PAPPA: variants seen among roughly 807,000 people sequenced by gnomAD.
PAPPA encodes pappalysin-1.
PAPPA carries 60 observed loss-of-function variants against 164.0 expected under a neutral mutation model. The ratio of observed to expected loss-of-function variants is 0.37; its 90% CI spans 0.30 to 0.45. PAPPA has a LOEUF of 0.45. Among genes scored for constraint, PAPPA ranks in the 20% least tolerant of loss-of-function variants. The pLI, the probability that PAPPA is intolerant of heterozygous loss-of-function variation, is 1.00. For missense variants in PAPPA, 1,782 were observed against 2,087.3 expected (o/e 0.85, Z 2.85); for synonymous variants, 875 against 814.1 (o/e 1.07, Z -1.27).
intron 7 of PAPPA, among the ~76,000 whole-genome samples, chr9:116,242,319 T>C (rs1404286082): frequency 1.3e-5 from 2 of 152,084 alleles, no homozygotes; most frequent in African/African-American, 4.8e-5. Flanking sequence ...ACAGTTCAAA[T>C]GGTTGAAACT....
At chr9:116,353,573 C>T in intron 16 of PAPPA, 49 bp from the exon 17 acceptor site, 1 of 1,547,220 alleles carries the variant, frequency 6.5e-7, no homozygotes, top group Non-Finnish European at 8.9e-7. Flanking sequence ...GGGCATGGAT[C>T]TAGCCATTTG....
chr9:116,185,957 T>C (rs1843964726), intron 1 of PAPPA, among the ~76,000 whole-genome samples: 1 of 152,140 alleles, frequency 6.6e-6, no homozygotes, highest in South Asian at 2.1e-4. Context: ...AAGGATCTGA[T>C]GGATCTAGGA....
chr9:116,221,005 A>G (rs1844439194), intron 5 of PAPPA, among the ~76,000 whole-genome samples: 1 of 151,444 alleles, frequency 6.6e-6, no homozygotes, highest in East Asian at 1.9e-4. Flanking sequence ...CCAGGGAATG[A>G]TAAACTGAGG....
rs567055779 is a variant in PAPPA, at chr9:116,242,252, G to C, written c.2732+6615G>C. Among the ~76,000 whole-genome samples, 10 of 152,254 alleles carry C rather than the reference G, an allele frequency of 6.6e-5. No homozygotes were observed. In the South Asian group the frequency reaches 8.3e-4, roughly 13 times the overall value. ...GTAAGGAGGGCTTCTTGGAAGAAGT[G>C]ACATGTAAGCTGAGACTTGAAGGAT... On this transcript the variant is annotated intron_variant, in intron 7 of 21. Transcript: ENST00000328252.
chr9:116,261,849 G>A (rs751980265), intron 7 of PAPPA, among the ~76,000 whole-genome samples: 2 of 151,864 alleles, frequency 1.3e-5, no homozygotes, highest in Middle Eastern at 3.4e-3. Context: ...TGCCATTTGC[G>A]ATATGTGTTA....
At chr9:116,350,567 T>C (rs556056949) in intron 15 of PAPPA, among the ~76,000 whole-genome samples, 3 of 152,328 alleles carry the variant, frequency 2.0e-5, no homozygotes, top group African/African-American at 7.2e-5. Context: ...AAACCACGAC[T>C]TTCACTTCAT....
chr9:116,154,443 A>T lies in PAPPA; in HGVS notation c.271A>T (p.Ser91Cys). 5 of 1,275,356 alleles carry T rather than the reference A, an allele frequency of 3.9e-6. No individual in the cohort carries two copies. The highest frequency in any genetic ancestry group is 4.9e-6 in the Non-Finnish European group (5 of 1,011,098). 79.0% of individuals were successfully genotyped at this position (1,275,356 alleles called of 1,614,324 possible). ...REARGATEEP[S>C]PPSRALYFSG... The stretch of plus-strand genomic sequence containing the variant: ...GGCGAGGGGCGCCACCGAGGAGCCG[A>T]GCCCGCCGAGCCGGGCGCTCTATTT... Residue 91 changes from serine to cysteine, a missense_variant, in exon 1 of 22, where the codon AGC (serine) becomes TGC (cysteine). By Grantham distance (112) the Ser-to-Cys change is moderately radical (BLOSUM62 -1). Transcript: ENST00000328252. This position sits in a 1 kb window ranked among gnomAD's most constrained non-coding sequence, Gnocchi z 5.2.
chr9:116,176,176 T>C (rs1843832667), intron 1 of PAPPA, among the ~76,000 whole-genome samples: 1 of 152,212 alleles, frequency 6.6e-6, no homozygotes, highest in South Asian at 2.1e-4. Context: ...TTTCTACCTG[T>C]AGGAAACAGT....
intron 9 of PAPPA, among the ~76,000 whole-genome samples, chr9:116,293,063 G>A (rs917841175): frequency 5.3e-5 from 8 of 152,190 alleles, no homozygotes; most frequent in Non-Finnish European, 7.3e-5. Context: ...GGTTGATGAC[G>A]ACGTTAATGA....
intron 1 of PAPPA, among the ~76,000 whole-genome samples, chr9:116,160,027 A>C (rs1843649123): frequency 6.6e-6 from 1 of 152,154 alleles, no homozygotes. Flanking sequence ...GCTGCACCCC[A>C]AGGATTCTGA....
At position 116,401,156 on chromosome 9, in the gene PAPPA, G is replaced by A. The variant is rs1847047480; in HGVS notation, c.*4540G>A. 6.6e-6 allele frequency: 1 copy of A among 152,560 alleles called. No individual in the cohort carries two copies. The highest frequency in any genetic ancestry group is 6.6e-5 in the Admixed American group (1 of 15,260). The allele number at this position is 152,560 out of a possible 1,614,324, so 9.5% of individuals were successfully genotyped here. On this transcript the variant is annotated 3_prime_UTR_variant, in exon 22 of 22. Coordinates refer to ENST00000328252, the MANE Select transcript of PAPPA (RefSeq NM_002581.5). The stretch of plus-strand genomic sequence containing the variant: ...CCACCTTAAAAGAGAGACCTGTATT[G>A]GAGAATATTTTATTTTTTTGGCAAA...
At chr9:116,194,570 G>A (rs554018203) in intron 2 of PAPPA, among the ~76,000 whole-genome samples, 2 of 152,290 alleles carry the variant, frequency 1.3e-5, no homozygotes, top group African/African-American at 4.8e-5. Flanking sequence ...TCTTGGCTCC[G>A]CTCTGCACTA....
At chr9:116,322,767 ACAC>A (rs1425587136) in intron 10 of PAPPA, among the ~76,000 whole-genome samples, 4 of 150,776 alleles carry the variant, frequency 2.7e-5, no homozygotes, top group Non-Finnish European at 4.5e-5. Flanking sequence ...ATATTGAGAA[ACAC>A]TGGCTGGCTG....
At chr9:116,293,856 G>A (rs1845468161) in intron 9 of PAPPA, among the ~76,000 whole-genome samples, 1 of 152,166 alleles carries the variant, frequency 6.6e-6, no homozygotes, top group African/African-American at 2.4e-5. Context: ...TCAGGAGGCT[G>A]AGGCAGGAGA....
Position 116,302,898 on chromosome 9 carries a change from A to T in PAPPA, c.3095A>T (p.Gln1032Leu). Residue 1032 changes from glutamine to leucine, a missense_variant, in exon 10 of 22, where the codon CAA becomes CTA. By Grantham distance (113) the Gln-to-Leu change is moderately radical. This residue lies in a region of PAPPA where 1,324 missense variants were observed against 1,656.9 expected (regional missense o/e 0.80). Coordinates refer to ENST00000328252, the MANE Select transcript of PAPPA (RefSeq NM_002581.5). ...QWASNASVSH[Q>L]DQQCPGWVII... Reference sequence around the variant, plus strand: ...GCATCCAATGCTTCAGTATCTCATCAAGACCAGCAATGCCCAGGCTGGGTC... The same window carrying T: ...GCATCCAATGCTTCAGTATCTCATCTAGACCAGCAATGCCCAGGCTGGGTC... The T allele has an allele frequency of 6.2e-7, 1 of 1,614,108 alleles. No individual in the cohort carries two copies. Among genetic ancestry groups the T allele is most frequent in the South Asian group, 1.1e-5 (1 of 91,076 alleles).
In PAPPA at chr9:116,398,479, T is replaced by TAA. The variant is rs373083822; in HGVS notation, c.*1879_*1880dup. ...GGTGTTGTTAATCTATCATAGCACT[T>TAA]AAAAAAAAAAAAAAAAAGAGACCAA... is the stretch of plus-strand genomic sequence containing the variant. On this transcript the variant is annotated 3_prime_UTR_variant, in exon 22 of 22. Coordinates refer to ENST00000328252, the MANE Select transcript of PAPPA (RefSeq NM_002581.5). The TAA allele has an allele frequency of 0.046, 32,278 of 697,784 alleles. 189 individuals are homozygous for TAA. Among genetic ancestry groups the TAA allele is most frequent in the East Asian group, 0.14 (1,887 of 13,414 alleles). The allele number at this position is 697,784 out of a possible 1,614,324, so 43.2% of individuals were successfully genotyped here. A position where few individuals can be genotyped will look rare whatever the true frequency, so the allele number is the denominator to read the frequency against.
In PAPPA at chr9:116,315,147, G is replaced by A. The variant is rs141854355; in HGVS notation, c.3147+12197G>A. On this transcript the variant is annotated intron_variant, in intron 10 of 21. Transcript: ENST00000328252. ...CTACAAGTGATTCCCTTATGTTTCC[G>A]GATTACAGCCTCCTGTTAATACCAT... 2.3e-4 allele frequency among the ~76,000 whole-genome samples: 35 copies of A among 152,210 alleles called. No individual in the cohort carries two copies. The East Asian group carries it at 4.6e-3, about 20-fold the overall frequency.
intron 10 of PAPPA, among the ~76,000 whole-genome samples, chr9:116,303,944 C>G (rs1014340870): frequency 7.9e-5 from 12 of 152,150 alleles, no homozygotes; most frequent in Non-Finnish European, 1.5e-4. Context: ...ATCACTAAAG[C>G]CTTTATTCAT....
chr9:116,325,116 T>G (rs1845904804), intron 10 of PAPPA, among the ~76,000 whole-genome samples: 1 of 152,146 alleles, frequency 6.6e-6, no homozygotes, highest in Non-Finnish European at 1.5e-5. Context: ...GAGGTTTCAG[T>G]TGAGTCCAAG....
Sources: allele counts gnomAD v4.1 joint callset (sites outside exome capture counted in the v4.1 genomes callset), GRCh38; gene constraint gnomAD v4.1.1; regional missense constraint gnomAD v4.1.1; non-coding constraint Gnocchi (gnomAD v3.1); transcripts MANE v1.5; gene names NCBI Gene and HGNC (gene_info 2026-07-23, HGNC 2026-07-21).